Variants in ADGRB3 observed in about 807,000 individuals in gnomAD.
ADGRB3 encodes brain-specific angiogenesis inhibitor 3.
ADGRB3 carries 37 observed loss-of-function variants against 193.4 expected under a neutral mutation model. The ratio of observed to expected loss-of-function variants is 0.19; its 90% CI spans 0.15 to 0.25. ADGRB3 has a LOEUF of 0.25. Among genes scored for constraint, ADGRB3 ranks in the 10% least tolerant of loss-of-function variants. The pLI, the probability that ADGRB3 is intolerant of heterozygous loss-of-function variation, is 1.00. For missense variants in ADGRB3, 1,637 were observed against 1,852.9 expected (o/e 0.88, Z 2.14); for synonymous variants, 690 against 644.2 (o/e 1.07, Z -1.08).
intron 20 of ADGRB3, among the ~76,000 whole-genome samples, chr6:69,288,096 G>A (rs191797237): frequency 3.3e-5 from 5 of 151,970 alleles, no homozygotes; most frequent in South Asian, 4.2e-4. Flanking sequence ...TGTGCAGAAC[G>A]TGCAGGTTTG....
At chr6:69,247,025 C>T (rs1045162824) in intron 20 of ADGRB3, among the ~76,000 whole-genome samples, 3 of 152,194 alleles carry the variant, frequency 2.0e-5, no homozygotes, top group Admixed American at 1.3e-4. Flanking sequence ...ATCCCCACCA[C>T]CCCTGCATTA....
At chr6:69,072,493 A>G (rs1772103662) in intron 16 of ADGRB3, among the ~76,000 whole-genome samples, 1 of 152,232 alleles carries the variant, frequency 6.6e-6, no homozygotes, top group African/African-American at 2.4e-5. Context: ...TAAAAAGGAA[A>G]GAAGTATCCA....
intron 3 of ADGRB3, among the ~76,000 whole-genome samples, chr6:68,695,315 G>A (rs1159564338): frequency 6.6e-6 from 1 of 151,934 alleles, no homozygotes; most frequent in Non-Finnish European, 1.5e-5. Context: ...TGTATAGCAT[G>A]CCAAAATTGA....
intron 12 of ADGRB3, among the ~76,000 whole-genome samples, chr6:69,016,249 A>T (rs1373243054): frequency 6.6e-6 from 1 of 152,102 alleles, no homozygotes; most frequent in African/African-American, 2.4e-5. Flanking sequence ...ACACTTGGAG[A>T]AATATAATTA....
At chr6:69,179,769 T>A (rs1775531614) in intron 17 of ADGRB3, among the ~76,000 whole-genome samples, 1 of 152,208 alleles carries the variant, frequency 6.6e-6, no homozygotes, top group Non-Finnish European at 1.5e-5. Flanking sequence ...TGTACTTCTG[T>A]CAGCAGGTTT....
At chr6:69,126,036 T>C (rs1008363116) in intron 17 of ADGRB3, among the ~76,000 whole-genome samples, 8 of 152,162 alleles carry the variant, frequency 5.3e-5, no homozygotes, top group African/African-American at 1.9e-4. Context: ...TTCCTGTGCT[T>C]TTCGCCCTAG....
intron 26 of ADGRB3, among the ~76,000 whole-genome samples, chr6:69,348,396 C>T (rs1358183103): frequency 2.0e-5 from 3 of 151,120 alleles, no homozygotes; most frequent in Non-Finnish European, 4.4e-5. Context: ...CCTGCAATCC[C>T]AGCACTTTGG....
chr6:69,172,643 C>CAAAAAAAAAAAAAAAA (rs70987454), intron 17 of ADGRB3, among the ~76,000 whole-genome samples: 23 of 26,822 alleles, frequency 8.6e-4, no homozygotes, highest in Admixed American at 1.3e-3. Flanking sequence ...GACTCTGTCT[C>CAAAAAAAAAAAAAAAA]AAAAAAAAAA....
At chr6:68,839,366 A>G (rs1020854403) in intron 3 of ADGRB3, among the ~76,000 whole-genome samples, 1 of 152,208 alleles carries the variant, frequency 6.6e-6, no homozygotes, top group Non-Finnish European at 1.5e-5. Context: ...ATAGCTTCTC[A>G]TATGGTGACT....
At chr6:69,259,494 G>A (rs1037903431) in intron 20 of ADGRB3, among the ~76,000 whole-genome samples, 30 of 152,102 alleles carry the variant, frequency 2.0e-4, no homozygotes, top group African/African-American at 6.3e-4. Context: ...AGGAGATCGA[G>A]ACCATCCTGG....
intron 3 of ADGRB3, among the ~76,000 whole-genome samples, chr6:68,786,494 T>C (rs1383400138): frequency 6.6e-6 from 1 of 152,190 alleles, no homozygotes; most frequent in African/African-American, 2.4e-5. Flanking sequence ...GAGGGCTCTG[T>C]TCTGTTCCAT....
intron 4 of ADGRB3, among the ~76,000 whole-genome samples, chr6:68,932,715 A>G (rs1284056183): frequency 6.6e-6 from 1 of 151,900 alleles, no homozygotes; most frequent in Non-Finnish European, 1.5e-5. Context: ...TTTGTCTTTA[A>G]GCCAGAAAAA....
chr6:69,276,825 A>G (rs1003209031), intron 20 of ADGRB3, among the ~76,000 whole-genome samples: 1 of 152,080 alleles, frequency 6.6e-6, no homozygotes, highest in Admixed American at 6.6e-5. Flanking sequence ...GGTGACGGAT[A>G]TGGATATGTT....
chr6:69,125,133 C>G (rs1773819947), intron 17 of ADGRB3, among the ~76,000 whole-genome samples: 1 of 152,156 alleles, frequency 6.6e-6, no homozygotes, highest in African/African-American at 2.4e-5. Flanking sequence ...GGCAGACCAG[C>G]CAATTGCCAA....
At chr6:68,989,473 A>G (rs558843627) in intron 10 of ADGRB3, among the ~76,000 whole-genome samples, 1 of 152,152 alleles carries the variant, frequency 6.6e-6, no homozygotes, top group African/African-American at 2.4e-5. Flanking sequence ...TGTCTATAGG[A>G]AAAGGATGGA....
At chr6:68,834,209 ACATGACAT>A (rs1768006457) in intron 3 of ADGRB3, among the ~76,000 whole-genome samples, 1 of 152,070 alleles carries the variant, frequency 6.6e-6, no homozygotes, top group African/African-American at 2.4e-5. Context: ...ACCCAAAATC[ACATGACAT>A]CATGTCAGTT....
chr6:69,062,855 TC>T (rs926296445), intron 15 of ADGRB3, 78 bp from the exon 16 acceptor site: 56 of 1,001,722 alleles, frequency 5.6e-5, no homozygotes, highest in Non-Finnish European at 8.2e-5. Flanking sequence ...TTTGAAACCA[TC>T]CCAAAATGTA....
chr6:68,806,059 T>A (rs1360209122), intron 3 of ADGRB3, among the ~76,000 whole-genome samples: 5 of 152,180 alleles, frequency 3.3e-5, no homozygotes, highest in Non-Finnish European at 7.3e-5. Context: ...CATTCTCCCT[T>A]TGTAGTCAAT....
At chr6:69,317,759 C>G (rs1429588557) in intron 20 of ADGRB3, among the ~76,000 whole-genome samples, 1 of 151,518 alleles carries the variant, frequency 6.6e-6, no homozygotes, top group African/African-American at 2.4e-5. Context: ...ATGGTGTCTA[C>G]TGCCTATTAT....
Sources: gnomAD v4.1 joint callset for allele counts (sites outside exome capture counted in the v4.1 genomes callset) on GRCh38, gnomAD v4.1.1 for gene constraint, MANE v1.5 for transcripts, NCBI Gene and HGNC (gene_info 2026-07-23, HGNC 2026-07-21) for gene names.